Variants in FAM184A observed in about 807,000 individuals in gnomAD.
The protein encoded by FAM184A is family with sequence similarity 184 member A, also known as protein FAM184A.
In FAM184A, 99 loss-of-function variants were observed where a neutral mutation model predicts 143.8. The ratio of observed to expected loss-of-function variants is 0.69; its 90% CI spans 0.58 to 0.81. The LOEUF is 0.81. Ranked by LOEUF, FAM184A falls within the 40% of genes least tolerant of loss-of-function variation. The probability of loss-of-function intolerance (pLI) is 0.00; values close to 1 mark genes in which losing one functional copy is unlikely to be tolerated. For synonymous variants in FAM184A, 427 were observed against 446.4 expected, an observed-to-expected ratio of 0.96 and a Z score of 0.55; for missense variants, 1,217 against 1,310.5, an observed-to-expected ratio of 0.93 and a Z score of 1.10.
chr6:119,032,524 AAGAGGG>A (rs577027130), intron 1 of FAM184A, among the ~76,000 whole-genome samples: 2,690 of 138,494 alleles, frequency 0.019, 116 homozygotes, highest in African/African-American at 0.07. Context: ...GAGGAAGAGG[AAGAGGG>A]AGAGGGAGAG....
chr6:118,983,092 A>T (rs911667154), intron 9 of FAM184A, among the ~76,000 whole-genome samples: 9 of 152,220 alleles, frequency 5.9e-5, no homozygotes, highest in African/African-American at 1.9e-4. Context: ...TCAAAATAAT[A>T]TTAAGGCCAT....
intron 1 of FAM184A, among the ~76,000 whole-genome samples, chr6:119,118,537 T>C (rs1464257621): frequency 6.6e-6 from 1 of 152,222 alleles, no homozygotes; most frequent in East Asian, 1.9e-4. Flanking sequence ...CATTGACATT[T>C]ATTAGATCCC....
chr6:119,026,501 T>A (rs1375395860), intron 1 of FAM184A, among the ~76,000 whole-genome samples: 1 of 151,230 alleles, frequency 6.6e-6, no homozygotes, highest in Non-Finnish European at 1.5e-5. Context: ...CCCAACCGAT[T>A]GAACGGACCC....
chr6:119,074,536 A>G (rs1196283826), intron 1 of FAM184A, among the ~76,000 whole-genome samples: 1 of 152,234 alleles, frequency 6.6e-6, no homozygotes, highest in Non-Finnish European at 1.5e-5. Context: ...CCCATGAAAG[A>G]GGATGAACCA....
chr6:119,006,195 G>A, intron 7 of FAM184A: 1 of 764,638 alleles, frequency 1.3e-6, no homozygotes, highest in Non-Finnish European at 2.4e-6. Flanking sequence ...TACAAGGACG[G>A]ATCTTCCCTT....
At chr6:118,991,396 A>G (rs1373279586) in intron 9 of FAM184A, among the ~76,000 whole-genome samples, 1 of 151,908 alleles carries the variant, frequency 6.6e-6, no homozygotes, top group East Asian at 1.9e-4. Context: ...CCTGACCTCA[A>G]ATGAGATCCA....
chr6:119,023,632 G>A (rs774268516), intron 2 of FAM184A, among the ~76,000 whole-genome samples: 101 of 130,342 alleles, frequency 7.7e-4, no homozygotes, highest in Non-Finnish European at 1.3e-3. Context: ...GGCCTGAAGC[G>A]ATCCTCCTGC....
chr6:119,025,736 CCCCCGG>C, intron 1 of FAM184A: 2 of 412,678 alleles, frequency 4.8e-6, no homozygotes, highest in Admixed American at 3.3e-5. Context: ...CCACTTTCTT[CCCCCGG>C]AAGCGAAAAG....
At chr6:118,966,447 G>C (rs1433433927) in intron 15 of FAM184A, among the ~76,000 whole-genome samples, 1 of 152,090 alleles carries the variant, frequency 6.6e-6, no homozygotes, top group Non-Finnish European at 1.5e-5. Context: ...TGCTCAACCT[G>C]TTAGTGTACA....
intron 1 of FAM184A, among the ~76,000 whole-genome samples, chr6:119,104,459 C>T (rs1788724486): frequency 6.6e-6 from 1 of 152,182 alleles, no homozygotes; most frequent in Non-Finnish European, 1.5e-5. Flanking sequence ...TTCCCAGGGT[C>T]CACCATAGTG....
chr6:119,041,250 G>A (rs1167862431), intron 1 of FAM184A, among the ~76,000 whole-genome samples: 3 of 152,160 alleles, frequency 2.0e-5, no homozygotes, highest in South Asian at 4.1e-4. Context: ...AGAGATGAAG[G>A]GTGGTCCCAA....
intron 1 of FAM184A, among the ~76,000 whole-genome samples, chr6:119,074,189 G>A (rs942644866): frequency 1.3e-5 from 2 of 152,204 alleles, no homozygotes; most frequent in Non-Finnish European, 2.9e-5. Context: ...TCAAGTAAAA[G>A]TTTGCTGCTC....
chr6:119,123,812 A>C (rs944498010), intron 1 of FAM184A, among the ~76,000 whole-genome samples: 2 of 152,236 alleles, frequency 1.3e-5, no homozygotes, highest in Non-Finnish European at 2.9e-5. Context: ...TTAAGAAATA[A>C]ATATGGACAG....
intron 1 of FAM184A, among the ~76,000 whole-genome samples, chr6:119,054,323 G>C (rs1582560557): frequency 6.6e-6 from 1 of 152,238 alleles, no homozygotes; most frequent in South Asian, 2.1e-4. Flanking sequence ...CCATAAACTA[G>C]GTAGCTTATA....
intron 1 of FAM184A, among the ~76,000 whole-genome samples, chr6:119,136,195 G>A (rs1363746409): frequency 2.7e-5 from 4 of 146,866 alleles, no homozygotes; most frequent in African/African-American, 5.0e-5. Flanking sequence ...GGAGAATGGC[G>A]TGAACCCGGG....
rs151034757 is a variant in FAM184A, at chr6:119,092,428, T to A, written c.-202+56650A>T. On this transcript the variant is annotated intron_variant, in intron 1 of 16. Transcript: ENST00000352896. ...TTGGGATTACAGGCATGAGCCACTG[T>A]GCCCAGCCAATTATTATTTTTAATT... is the stretch of plus-strand genomic sequence containing the variant. 3.0e-3 allele frequency among the ~76,000 whole-genome samples: 450 copies of A among 152,336 alleles called. 1 individual carries two copies. Among genetic ancestry groups the A allele is most frequent in the Non-Finnish European group, 5.2e-3 (356 of 68,030 alleles).
At chr6:119,090,935 C>G (rs943157204) in intron 1 of FAM184A, among the ~76,000 whole-genome samples, 1 of 152,110 alleles carries the variant, frequency 6.6e-6, no homozygotes, top group Admixed American at 6.6e-5. Flanking sequence ...GTTAATCTTT[C>G]GAGATCTAGA....
At chr6:119,131,641 A>G (rs894977935) in intron 1 of FAM184A, among the ~76,000 whole-genome samples, 6 of 151,980 alleles carry the variant, frequency 3.9e-5, no homozygotes, top group Non-Finnish European at 7.4e-5. Context: ...ATGTGCCACT[A>G]TGCTAGACTA....
intron 1 of FAM184A, among the ~76,000 whole-genome samples, chr6:119,129,733 T>C (rs560272373): frequency 0.024 from 3,641 of 152,016 alleles, 91 homozygotes; most frequent in South Asian, 0.033. Context: ...TGGGGGGTTG[T>C]TATTGTTGTT....
Sources: gnomAD v4.1 joint callset for allele counts (sites outside exome capture counted in the v4.1 genomes callset) on GRCh38, gnomAD v4.1.1 for gene constraint, MANE v1.5 for transcripts, NCBI Gene and HGNC (gene_info 2026-07-23, HGNC 2026-07-21) for gene names.